PDK2: variants seen among roughly 807,000 people sequenced by gnomAD.
PDK2 encodes the protein pyruvate dehydrogenase kinase, isozyme 2.
Under a neutral mutation model 50.4 loss-of-function variants are expected in PDK2, and 34 were observed. The ratio of observed to expected loss-of-function variants is 0.68; its 90% CI spans 0.51 to 0.90. The LOEUF (loss-of-function observed/expected upper bound fraction) is 0.90, where lower values mean the gene tolerates loss of function less well. PDK2 is among the 40% of genes least tolerant of loss of function. The pLI, the probability that PDK2 is intolerant of heterozygous loss-of-function variation, is 0.00. For missense variants in PDK2, 377 were observed against 544.5 expected (o/e 0.69, Z 3.06); for synonymous variants, 232 against 216.0 (o/e 1.07, Z -0.65).
chr17:50,109,224 C>T lies in PDK2; in HGVS notation c.970-63C>T. ...ACACCCTTCCCTCCCTGCATCAGTC[C>T]CTGCAGCTCCAGGAGGCCCCTGCCA... On this transcript the variant is annotated intron_variant, in intron 9 of 10. Transcript: ENST00000503176. This position sits in a 1 kb window ranked among gnomAD's most constrained non-coding sequence, Gnocchi z 5.0. 9.9e-7 allele frequency: 1 copy of T among 1,012,490 alleles called. No homozygotes were observed. The highest frequency in any genetic ancestry group is 1.4e-5 in the South Asian group (1 of 72,870). 62.7% of individuals were successfully genotyped at this position (1,012,490 alleles called of 1,614,324 possible).
rs909244900 is a variant in PDK2 at position 50,107,199 on chromosome 17, G to A, written c.685+46G>A. 2.3e-5 allele frequency: 34 copies of A among 1,510,138 alleles called. 1 individual carries two copies. The highest frequency in any genetic ancestry group is 1.9e-4 in the African/African-American group (14 of 72,848). The allele number at this position is 1,510,138 out of a possible 1,614,324, so 93.5% of individuals were successfully genotyped here. A position where few individuals can be genotyped will look rare whatever the true frequency, so the allele number is the denominator to read the frequency against. ...ATGTGTCTGTCTTGGGGCTGGGGAC[G>A]TGGCAGGGCAAGGTGAGACGGGGAG... is the stretch of plus-strand genomic sequence containing the variant. On this transcript the variant is annotated intron_variant, in intron 6 of 10. Coordinates refer to ENST00000503176, the MANE Select transcript of PDK2 (RefSeq NM_002611.5).
In PDK2 at chr17:50,109,934, G is replaced by A. The variant is rs773856043; in HGVS notation, c.1084-23G>A. On this transcript the variant is annotated intron_variant, in intron 10 of 10. Transcript: ENST00000503176. The surrounding 1 kb of genome is among the most constrained non-coding windows in gnomAD (Gnocchi z 5.0). ...TGGACAAGGCACAGGGAGGTGGGAGGGGCTGACCCTGACACTCCCCAGGCC... is the reference window on the plus strand; with the variant it reads ...TGGACAAGGCACAGGGAGGTGGGAGAGGCTGACCCTGACACTCCCCAGGCC... 1 of 1,513,218 alleles carries A rather than the reference G, an allele frequency of 6.6e-7. No homozygotes were observed. The highest frequency in any genetic ancestry group is 8.9e-7 in the Non-Finnish European group (1 of 1,121,516). 93.7% of individuals were successfully genotyped at this position (1,513,218 alleles called of 1,614,324 possible). A position where few individuals can be genotyped will look rare whatever the true frequency, so the allele number is the denominator to read the frequency against.
At chr17:50,100,476 C>T (rs1046628811) in intron 2 of PDK2, among the ~76,000 whole-genome samples, 1 of 152,152 alleles carries the variant, frequency 6.6e-6, no homozygotes, top group Non-Finnish European at 1.5e-5. Context: ...TTGTAAGGGC[C>T]AAAGGCCAGT....
intron 4 of PDK2, 36 bp downstream of exon 4, chr17:50,106,105 G>A (rs376005235): frequency 5.1e-6 from 8 of 1,558,304 alleles, no homozygotes; most frequent in South Asian, 3.5e-5. Flanking sequence ...AGCGGGCGGT[G>A]GGGGGGGCGG....
Position 50,110,138 on chromosome 17 carries a change from C to T in PDK2, c.*41C>T. 6.5e-6 allele frequency: 10 copies of T among 1,541,746 alleles called. No individual in the cohort carries two copies. The highest frequency in any genetic ancestry group is 8.8e-6 in the Non-Finnish European group (10 of 1,138,422). Reference sequence around the variant, plus strand: ...TGCACCTGAGAGGACGGACTGCCGCCTCTGGGTCCCCCCACCGTGGTGCCC... The same window carrying T: ...TGCACCTGAGAGGACGGACTGCCGCTTCTGGGTCCCCCCACCGTGGTGCCC... On this transcript the variant is annotated 3_prime_UTR_variant, in exon 11 of 11. Coordinates refer to ENST00000503176, the MANE Select transcript of PDK2 (RefSeq NM_002611.5).
At chr17:50,100,359 C>A (rs972684921) in intron 2 of PDK2, among the ~76,000 whole-genome samples, 9 of 152,090 alleles carry the variant, frequency 5.9e-5, no homozygotes, top group Non-Finnish European at 1.2e-4. Context: ...GAGGGAAAGT[C>A]CCAGGTTTGG....
chr17:50,097,300 GC>G, intron 1 of PDK2, 122 bp from the exon 2 acceptor site: 1 of 934,124 alleles, frequency 1.1e-6, no homozygotes, highest in Non-Finnish European at 1.6e-6. Flanking sequence ...CTTGCTGTGT[GC>G]CCCGGGCAGG....
rs1298732788 is a variant in PDK2, at chr17:50,105,391, ACAT to A, written c.285_287del (p.Ile95del). 6.2e-7 allele frequency: 1 copy of A among 1,613,534 alleles called. No homozygotes were observed. Among genetic ancestry groups the A allele is most frequent in the African/African-American group, 1.3e-5 (1 of 74,902 alleles). ...CACAGGTATGTCCAGAGCCTCCTGG[ACAT>A]CATGGAGTTCCTGGACAAGGATCCC... On this transcript the variant is annotated inframe_deletion, in exon 3 of 11. Coordinates refer to ENST00000503176, the MANE Select transcript of PDK2 (RefSeq NM_002611.5).
intron 9 of PDK2, among the ~76,000 whole-genome samples, chr17:50,108,963 C>T (rs1310030894): frequency 6.6e-6 from 1 of 152,144 alleles, no homozygotes; most frequent in African/African-American, 2.4e-5. Context: ...CAATTTCTAC[C>T]TTTCTCCTGG....
chr17:50,099,779 C>T (rs1008021702), intron 2 of PDK2, among the ~76,000 whole-genome samples: 2 of 152,168 alleles, frequency 1.3e-5, no homozygotes, highest in East Asian at 3.9e-4. Flanking sequence ...GGCGACAGAG[C>T]GAGACTCCGT....
intron 8 of PDK2, 66 bp from the exon 9 acceptor site, chr17:50,108,546 A>G: frequency 9.9e-7 from 1 of 1,007,850 alleles, no homozygotes; most frequent in African/African-American, 1.7e-5. Flanking sequence ...TGAGAAGGTC[A>G]GGGGTATTGG....
chr17:50,106,664 G>T (rs1910532618), intron 4 of PDK2, 130 bp from the exon 5 acceptor site: 2 of 742,960 alleles, frequency 2.7e-6, no homozygotes, highest in South Asian at 3.3e-5. Context: ...GGGGGAGTGG[G>T]GCAGCTTTAG....
At chr17:50,097,792 C>T (rs1252100223) in intron 2 of PDK2, 5 of 480,506 alleles carry the variant, frequency 1.0e-5, no homozygotes, top group African/African-American at 1.9e-5. Flanking sequence ...TCTTACCACC[C>T]ACCTTTCTCT....
At chr17:50,099,135 TC>T (rs1910092500) in intron 2 of PDK2, among the ~76,000 whole-genome samples, 1 of 151,878 alleles carries the variant, frequency 6.6e-6, no homozygotes, top group Non-Finnish European at 1.5e-5. Flanking sequence ...ACACTTCCCA[TC>T]GTGGGTGGTG....
At chr17:50,108,953 C>T (rs1299537951) in intron 9 of PDK2, among the ~76,000 whole-genome samples, 1 of 152,124 alleles carries the variant, frequency 6.6e-6, no homozygotes, top group African/African-American at 2.4e-5. Context: ...CCCAAACCCC[C>T]AATTTCTACC....
At chr17:50,103,584 T>C (rs1175637531) in intron 2 of PDK2, among the ~76,000 whole-genome samples, 1 of 152,070 alleles carries the variant, frequency 6.6e-6, no homozygotes, top group African/African-American at 2.4e-5. Context: ...ATGAGCAAAC[T>C]CAGGCCCAGA....
Position 50,105,366 on chromosome 17 carries a change from C to A in PDK2, c.261-5C>A, listed in dbSNP as rs766366400. On this transcript the variant is annotated splice_region_variant and splice_polypyrimidine_tract_variant and intron_variant, in intron 2 of 10. Transcript: ENST00000503176. Reference sequence around the variant, plus strand: ...GAGGCTGTGTCCCCTCCCGCCCCCACACAGGTATGTCCAGAGCCTCCTGGA... The same window carrying A: ...GAGGCTGTGTCCCCTCCCGCCCCCAAACAGGTATGTCCAGAGCCTCCTGGA... The A allele has an allele frequency of 1.9e-6, 3 of 1,600,412 alleles. No individual in the cohort carries two copies. The highest frequency in any genetic ancestry group is 2.6e-6 in the Non-Finnish European group (3 of 1,174,564).
chr17:50,095,415 A>C lies in PDK2; in HGVS notation c.-21A>C, dbSNP rs7221362. The C allele has an allele frequency of 0.72, 1,133,584 of 1,569,944 alleles. 413,440 individuals carry two copies. Among genetic ancestry groups the C allele is most frequent in the East Asian group, 0.98 (42,341 of 43,384 alleles). On this transcript the variant is annotated 5_prime_UTR_variant, in exon 1 of 11. Transcript: ENST00000503176. ...CGCTGCCCGCGCGGGGACCACAACC[A>C]AAGTCGCGGCCGCCGCAGCCATGCG...
At chr17:50,100,451 G>A (rs1910166598) in intron 2 of PDK2, among the ~76,000 whole-genome samples, 1 of 152,146 alleles carries the variant, frequency 6.6e-6, no homozygotes, top group African/African-American at 2.4e-5. Flanking sequence ...TGTGTAAAAG[G>A]GGGACCCATT....
Sources: gnomAD v4.1 joint callset for allele counts (sites outside exome capture counted in the v4.1 genomes callset) on GRCh38, gnomAD v4.1.1 for gene constraint, Gnocchi (gnomAD v3.1) non-coding constraint, MANE v1.5 for transcripts, NCBI Gene and HGNC (gene_info 2026-07-23, HGNC 2026-07-21) for gene names.